STXBP4: variants seen among roughly 807,000 people sequenced by gnomAD.
STXBP4 encodes the protein syntaxin-binding protein 4.
Under a neutral mutation model 76.1 loss-of-function variants are expected in STXBP4, and 55 were observed. That is an observed-to-expected ratio of 0.72 (90% CI 0.58 to 0.91). STXBP4 has a LOEUF of 0.91. Ranked by LOEUF, STXBP4 falls within the 40% of genes least tolerant of loss-of-function variation. The pLI is 0.00. For missense variants in STXBP4, 618 were observed against 636.9 expected (o/e 0.97, Z 0.32); for synonymous variants, 201 against 220.2 (o/e 0.91, Z 0.77).
intron 12 of STXBP4, among the ~76,000 whole-genome samples, chr17:55,054,367 T>C (rs2078898593): frequency 6.6e-6 from 1 of 152,160 alleles, no homozygotes; most frequent in Admixed American, 6.6e-5. Context: ...CACATGCCTG[T>C]CATCCCAGCT....
At chr17:55,132,339 T>C (rs1056173400) in intron 16 of STXBP4, among the ~76,000 whole-genome samples, 4 of 152,142 alleles carry the variant, frequency 2.6e-5, no homozygotes, top group South Asian at 2.1e-4. Flanking sequence ...TACAGGTGTG[T>C]GCCACCACGC....
At chr17:55,116,145 A>G (rs2079778058) in intron 16 of STXBP4, among the ~76,000 whole-genome samples, 1 of 151,824 alleles carries the variant, frequency 6.6e-6, no homozygotes, top group Non-Finnish European at 1.5e-5. Context: ...TTATAAACAT[A>G]TATTTTTAAT....
chr17:55,073,468 G>A lies in STXBP4; in HGVS notation c.1188+392G>A, dbSNP rs1462353142. Among the ~76,000 whole-genome samples the A allele has an allele frequency of 3.9e-5, 6 of 152,280 alleles. No homozygotes were observed. In the East Asian group the frequency reaches 9.6e-4, roughly 24 times the overall value. On this transcript the variant is annotated intron_variant, in intron 13 of 17. Transcript: ENST00000376352. ...TTGCTCTTTGATTAGAGCATTCAAG[G>A]AAGTATTAAAGTGAAGGAATGTTTG...
intron 3 of STXBP4, among the ~76,000 whole-genome samples, chr17:54,990,379 T>C (rs1406529872): frequency 2.0e-5 from 3 of 152,132 alleles, no homozygotes; most frequent in Non-Finnish European, 2.9e-5. Flanking sequence ...TCAATGCTCA[T>C]AGGAGCATGA....
chr17:54,989,173 T>G (rs1485407927), intron 3 of STXBP4, among the ~76,000 whole-genome samples: 1 of 152,238 alleles, frequency 6.6e-6, no homozygotes. Flanking sequence ...AGTGGCACGA[T>G]CTTGGCTCAC....
intron 16 of STXBP4, among the ~76,000 whole-genome samples, chr17:55,091,459 G>A (rs2079413486): frequency 6.6e-6 from 1 of 151,872 alleles, no homozygotes; most frequent in African/African-American, 2.4e-5. Context: ...AATTTGAAAT[G>A]CCCCAAAATC....
At position 55,081,064 on chromosome 17, in the gene STXBP4, T is replaced by C; in HGVS notation, c.1370T>C (p.Val457Ala). 6.6e-7 allele frequency: 1 copy of C among 1,519,804 alleles called. No homozygotes were observed. Among genetic ancestry groups the C allele is most frequent in the South Asian group, 1.3e-5 (1 of 76,408 alleles). The allele number at this position is 1,519,804 out of a possible 1,614,324, so 94.1% of individuals were successfully genotyped here. The change falls in exon 16 of 18, where the codon GTG becomes GCG. Residue 457 changes from valine to alanine, a missense_variant. Val to Ala is a moderately conservative substitution (Grantham distance 64, BLOSUM62 0). Coordinates refer to ENST00000376352, the MANE Select transcript of STXBP4 (RefSeq NM_178509.6). ...PLSNLSERRAVLASQTSLTPL... is the reference protein window; with the variant it reads ...PLSNLSERRAALASQTSLTPL... ...TGCCTTCATAGTGAAAGAAGAGCTG[T>C]GTTAGCTTCTCAGACTTCCCTCACA... is the stretch of plus-strand genomic sequence containing the variant.
At chr17:55,008,799 G>A (rs931047854) in intron 8 of STXBP4, among the ~76,000 whole-genome samples, 2 of 152,080 alleles carry the variant, frequency 1.3e-5, no homozygotes, top group Non-Finnish European at 2.9e-5. Context: ...TTTAGGGGAG[G>A]ATCAGCTGGG....
chr17:55,046,556 A>G (rs1320080804), intron 11 of STXBP4, among the ~76,000 whole-genome samples: 1 of 151,946 alleles, frequency 6.6e-6, no homozygotes, highest in Non-Finnish European at 1.5e-5. Flanking sequence ...TTTCAAATCC[A>G]AAGATATTTT....
At chr17:55,061,714 T>C (rs927782883) in intron 12 of STXBP4, among the ~76,000 whole-genome samples, 3 of 152,228 alleles carry the variant, frequency 2.0e-5, no homozygotes, top group African/African-American at 7.2e-5. Flanking sequence ...AAGAATATTG[T>C]ATAAATGGAA....
chr17:55,049,608 C>A (rs1336472042), intron 12 of STXBP4, among the ~76,000 whole-genome samples: 1 of 151,670 alleles, frequency 6.6e-6, no homozygotes, highest in Non-Finnish European at 1.5e-5. Context: ...AAAATACAAA[C>A]CTTCATAAAC....
intron 1 of STXBP4, among the ~76,000 whole-genome samples, chr17:54,974,224 G>A (rs2077437819): frequency 6.6e-6 from 1 of 152,120 alleles, no homozygotes; most frequent in African/African-American, 2.4e-5. Flanking sequence ...TGTTTATTTG[G>A]TAGCTATTTT....
At chr17:55,046,608 G>A (rs2078793060) in intron 11 of STXBP4, among the ~76,000 whole-genome samples, 1 of 151,778 alleles carries the variant, frequency 6.6e-6, no homozygotes, top group Non-Finnish European at 1.5e-5. Flanking sequence ...ATTATTTTAT[G>A]TTTTGTTTAC....
chr17:55,068,653 T>C (rs1483340819), intron 12 of STXBP4, among the ~76,000 whole-genome samples: 1 of 152,158 alleles, frequency 6.6e-6, no homozygotes, highest in Non-Finnish European at 1.5e-5. Context: ...ATTATGTATA[T>C]TTTTTCAAGG....
chr17:55,042,560 TG>T (rs2078720417), intron 10 of STXBP4, among the ~76,000 whole-genome samples: 1 of 152,130 alleles, frequency 6.6e-6, no homozygotes, highest in Admixed American at 6.6e-5. Flanking sequence ...AGGAGATGGC[TG>T]TAGTTAAACT....
At chr17:54,994,026 G>A (rs2077759872) in intron 4 of STXBP4, among the ~76,000 whole-genome samples, 1 of 152,126 alleles carries the variant, frequency 6.6e-6, no homozygotes, top group African/African-American at 2.4e-5. Context: ...AAAATAGTAT[G>A]TTTCTTTGAA....
the STXBP4 span, among the ~76,000 whole-genome samples, chr17:55,185,718 A>G: frequency 3.9e-5 from 6 of 152,180 alleles, no homozygotes; most frequent in African/African-American, 1.4e-4. Flanking sequence ...TGATAGGGCA[A>G]AGCACTTACT....
At chr17:55,018,277 A>T (rs1316890614) in intron 8 of STXBP4, among the ~76,000 whole-genome samples, 1 of 152,190 alleles carries the variant, frequency 6.6e-6, no homozygotes, top group South Asian at 2.1e-4. Context: ...AGGAACGGCA[A>T]TGGGCAACTT....
At chr17:55,187,736 G>T in the STXBP4 span, among the ~76,000 whole-genome samples, 3 of 152,214 alleles carry the variant, frequency 2.0e-5, no homozygotes, top group Non-Finnish European at 4.4e-5. Context: ...ATGGCTGTGA[G>T]GGAGATAAGC....
Sources: allele counts gnomAD v4.1 joint callset (sites outside exome capture counted in the v4.1 genomes callset), GRCh38; gene constraint gnomAD v4.1.1; transcripts MANE v1.5; gene names NCBI Gene and HGNC (gene_info 2026-07-23, HGNC 2026-07-21).